CNTN5: variants seen among roughly 807,000 people sequenced by gnomAD.
The protein encoded by CNTN5 is contactin 5.
CNTN5 carries 77 observed loss-of-function variants against 129.1 expected under a neutral mutation model. The ratio of observed to expected loss-of-function variants is 0.60; its 90% confidence interval spans 0.50 to 0.72. The LOEUF (loss-of-function observed/expected upper bound fraction) is 0.72. Among genes scored for constraint, CNTN5 ranks in the 30% least tolerant of loss-of-function variants. The probability of loss-of-function intolerance (pLI) is 0.00; values close to 1 mark genes in which losing one functional copy is unlikely to be tolerated. For missense variants in CNTN5, 1,478 were observed against 1,328.8 expected (o/e 1.11, Z -1.75); for synonymous variants, 509 against 465.6 (o/e 1.09, Z -1.20).
At chr11:99,594,208 C>T (rs1286286521) in intron 3 of CNTN5, among the ~76,000 whole-genome samples, 1 of 152,160 alleles carries the variant, frequency 6.6e-6, no homozygotes. Context: ...CCTTACATGA[C>T]CTAGCCTTGT....
At chr11:99,912,047 T>G (rs1390087798) in intron 6 of CNTN5, among the ~76,000 whole-genome samples, 1 of 152,032 alleles carries the variant, frequency 6.6e-6, no homozygotes, top group Non-Finnish European at 1.5e-5. Flanking sequence ...TTACTTATTA[T>G]TATTGAGGCA....
At position 99,146,595 on chromosome 11, in the gene CNTN5, C is replaced by A. The variant is rs551899717; in HGVS notation, c.-210+125325C>A. 4.6e-5 allele frequency among the ~76,000 whole-genome samples: 7 copies of A among 152,062 alleles called. No homozygotes were observed. In the East Asian group the frequency reaches 1.3e-3, roughly 29 times the overall value. ...ACACAAATAGTATTAAATCAACACC[C>A]AATCCTTGTTGATGAACATTTTCAG... On this transcript the variant is annotated intron_variant, in intron 1 of 24. Coordinates refer to ENST00000524871, the MANE Select transcript of CNTN5 (RefSeq NM_014361.4).
intron 1 of CNTN5, among the ~76,000 whole-genome samples, chr11:99,264,173 A>C (rs1212152984): frequency 6.6e-6 from 1 of 151,624 alleles, no homozygotes; most frequent in African/African-American, 2.4e-5. Context: ...ATGAACAATG[A>C]AGAGCAATGA....
intron 6 of CNTN5, among the ~76,000 whole-genome samples, chr11:99,882,657 A>G (rs56229811): frequency 0.039 from 5,926 of 152,302 alleles, 202 homozygotes; most frequent in East Asian, 0.17. Flanking sequence ...TAATCATATC[A>G]TATAAAATGA....
chr11:99,287,931 A>C (rs910307038), intron 1 of CNTN5, among the ~76,000 whole-genome samples: 4 of 151,872 alleles, frequency 2.6e-5, no homozygotes, highest in African/African-American at 4.8e-5. Flanking sequence ...GAGTAGGAGG[A>C]TTGTTGTTCC....
chr11:99,977,508 T>C (rs531691348), intron 8 of CNTN5, among the ~76,000 whole-genome samples: 1 of 152,328 alleles, frequency 6.6e-6, no homozygotes, highest in African/African-American at 2.4e-5. Flanking sequence ...TGACTGATGG[T>C]TCTGCATGGC....
intron 3 of CNTN5, among the ~76,000 whole-genome samples, chr11:99,589,403 A>G (rs918035192): frequency 1.3e-5 from 2 of 152,226 alleles, no homozygotes; most frequent in Non-Finnish European, 2.9e-5. Flanking sequence ...GTATTCATGT[A>G]TTCAACATTC....
chr11:99,371,581 C>A (rs148024007), intron 2 of CNTN5, among the ~76,000 whole-genome samples: 1 of 151,948 alleles, frequency 6.6e-6, no homozygotes, highest in Admixed American at 6.6e-5. Flanking sequence ...TAGAATTAAA[C>A]GTATTTGATG....
chr11:99,265,551 C>A (rs1297914715), intron 1 of CNTN5, among the ~76,000 whole-genome samples: 1 of 151,982 alleles, frequency 6.6e-6, no homozygotes, highest in African/African-American at 2.4e-5. Flanking sequence ...GCTTGCATAA[C>A]AAAGGTAGAA....
chr11:99,732,771 A>G (rs2135108198), intron 3 of CNTN5, among the ~76,000 whole-genome samples: 1 of 152,336 alleles, frequency 6.6e-6, no homozygotes, highest in South Asian at 2.1e-4. Context: ...TGTTATTAAA[A>G]TAATAGAGGA....
chr11:99,402,234 G>A (rs1032690071), intron 2 of CNTN5, among the ~76,000 whole-genome samples: 2 of 152,052 alleles, frequency 1.3e-5, no homozygotes, highest in African/African-American at 2.4e-5. Context: ...TTATGTTGAG[G>A]TGTGTTCCTT....
chr11:99,706,484 G>A (rs1376159669), intron 3 of CNTN5, among the ~76,000 whole-genome samples: 1 of 151,302 alleles, frequency 6.6e-6, no homozygotes, highest in Non-Finnish European at 1.5e-5. Context: ...TCAGCATTTG[G>A]AAACACCATA....
Position 100,289,118 on chromosome 11 carries a change from T to C in CNTN5, c.2315-8507T>C, listed in dbSNP as rs532394917. 9.2e-5 allele frequency among the ~76,000 whole-genome samples: 14 copies of C among 152,132 alleles called. No individual in the cohort carries two copies. The East Asian group carries it at 2.1e-3, about 23-fold the overall frequency. ...GATCTGAAATTGTGGCAATAATCAA[T>C]AGTTTACCAACCAAAAAGAGTCCAG... On this transcript the variant is annotated intron_variant, in intron 18 of 24. Coordinates refer to ENST00000524871, the MANE Select transcript of CNTN5 (RefSeq NM_014361.4).
intron 4 of CNTN5, among the ~76,000 whole-genome samples, chr11:99,843,294 A>G (rs892821640): frequency 6.6e-6 from 1 of 152,204 alleles, no homozygotes; most frequent in East Asian, 1.9e-4. Flanking sequence ...ACATGCTCAT[A>G]GTGACTGCTC....
At chr11:99,814,165 C>A (rs930850009) in intron 3 of CNTN5, among the ~76,000 whole-genome samples, 2 of 152,224 alleles carry the variant, frequency 1.3e-5, no homozygotes, top group African/African-American at 4.8e-5. Context: ...TGGAATTCAA[C>A]ATACACAAAT....
chr11:99,414,450 T>G (rs141158217), intron 2 of CNTN5, among the ~76,000 whole-genome samples: 1 of 151,902 alleles, frequency 6.6e-6, no homozygotes, highest in Non-Finnish European at 1.5e-5. Context: ...TATATACATA[T>G]GTGTGTATGT....
At chr11:100,313,617 G>C (rs1951517739) in intron 21 of CNTN5, among the ~76,000 whole-genome samples, 1 of 151,964 alleles carries the variant, frequency 6.6e-6, no homozygotes, top group Admixed American at 6.6e-5. Context: ...AGAGAACAGG[G>C]CTGAAAACAT....
At chr11:99,214,519 TAATA>T (rs1382312397) in intron 1 of CNTN5, among the ~76,000 whole-genome samples, 1 of 151,604 alleles carries the variant, frequency 6.6e-6, no homozygotes, top group Non-Finnish European at 1.5e-5. Flanking sequence ...TTAATATGTG[TAATA>T]AATTTATTGT....
At chr11:99,934,930 A>T (rs1439058338) in intron 7 of CNTN5, among the ~76,000 whole-genome samples, 4 of 91,408 alleles carry the variant, frequency 4.4e-5, no homozygotes, top group African/African-American at 2.3e-4. Flanking sequence ...ATATATATAT[A>T]TATATATATA....
Sources: gnomAD v4.1 joint callset for allele counts (sites outside exome capture counted in the v4.1 genomes callset) on GRCh38, gnomAD v4.1.1 for gene constraint, MANE v1.5 for transcripts, NCBI Gene and HGNC (gene_info 2026-07-23, HGNC 2026-07-21) for gene names.